The following CNTNAP5 variants were observed in gnomAD, a reference collection of about 807,000 sequenced individuals.
CNTNAP5 encodes contactin-associated protein-like 5.
CNTNAP5 carries 72 observed loss-of-function variants against 150.2 expected under a neutral mutation model. The observed-to-expected ratio is 0.48, with a 90% confidence interval of 0.40 to 0.58. The LOEUF (loss-of-function observed/expected upper bound fraction) is 0.58, where lower values mean the gene tolerates loss of function less well. Ranked by LOEUF, CNTNAP5 falls within the 20% of genes least tolerant of loss-of-function variation. CNTNAP5 has a pLI of 0.00. For synonymous variants in CNTNAP5, 672 were observed against 619.8 expected, an observed-to-expected ratio of 1.08 and a Z score of -1.25; for missense variants, 1,636 against 1,626.2, an observed-to-expected ratio of 1.01 and a Z score of -0.10.
intron 13 of CNTNAP5, among the ~76,000 whole-genome samples, chr2:124,740,529 T>A (rs1680475900): frequency 1.3e-5 from 2 of 152,230 alleles, no homozygotes; most frequent in African/African-American, 4.8e-5. Context: ...ATAAATCACA[T>A]GTGGGACGGA....
At position 124,495,585 on chromosome 2, in the gene CNTNAP5, G is replaced by A. The variant is rs574923565; in HGVS notation, c.1063-8707G>A. On this transcript the variant is annotated intron_variant, in intron 7 of 23. Coordinates refer to ENST00000682447, the MANE Select transcript of CNTNAP5 (RefSeq NM_001367498.1). ...GTCCATGCACCATGGCCATTAGCAG[G>A]GCCTTCCTTCCATTTCTAAAAATGT... Among the ~76,000 whole-genome samples, 5 of 152,178 alleles carry A rather than the reference G, an allele frequency of 3.3e-5. No homozygotes were observed. In the South Asian group the frequency reaches 8.3e-4, roughly 25 times the overall value.
intron 19 of CNTNAP5, among the ~76,000 whole-genome samples, chr2:124,803,091 G>A (rs1460256673): frequency 6.7e-5 from 10 of 149,448 alleles, no homozygotes; most frequent in Admixed American, 6.6e-4. Context: ...CTCCAGGCTG[G>A]GCGACAGAGC....
intron 1 of CNTNAP5, among the ~76,000 whole-genome samples, chr2:124,154,505 T>C (rs906883570): frequency 1.3e-5 from 2 of 152,132 alleles, no homozygotes; most frequent in African/African-American, 2.4e-5. Context: ...GAAGTTCACA[T>C]TGTTCTTGGG....
At chr2:124,819,548 C>A (rs980435662) in intron 19 of CNTNAP5, among the ~76,000 whole-genome samples, 1 of 152,080 alleles carries the variant, frequency 6.6e-6, no homozygotes, top group African/African-American at 2.4e-5. Context: ...ATGAAAGCAA[C>A]GTTCAGGCCA....
chr2:124,825,700 C>G (rs1179710614), intron 19 of CNTNAP5, among the ~76,000 whole-genome samples: 1 of 152,118 alleles, frequency 6.6e-6, no homozygotes, highest in Non-Finnish European at 1.5e-5. Flanking sequence ...TCAAAAGTCT[C>G]TTTTTATTCT....
intron 21 of CNTNAP5, among the ~76,000 whole-genome samples, chr2:124,885,279 C>A (rs1027771204): frequency 1.7e-4 from 26 of 151,888 alleles, no homozygotes; most frequent in Admixed American, 1.7e-3. Flanking sequence ...AGGATAATTT[C>A]CCTTACTTAA....
At chr2:124,856,641 A>G (rs1161306608) in intron 19 of CNTNAP5, among the ~76,000 whole-genome samples, 1 of 152,176 alleles carries the variant, frequency 6.6e-6, no homozygotes, top group African/African-American at 2.4e-5. Flanking sequence ...CTGGTCCGTC[A>G]TCCCCTTGTC....
chr2:124,300,528 C>T (rs749791019), intron 3 of CNTNAP5, among the ~76,000 whole-genome samples: 32 of 152,160 alleles, frequency 2.1e-4, no homozygotes, highest in African/African-American at 7.0e-4. Context: ...GGAAGAAGAG[C>T]GTAAGAATCC....
intron 13 of CNTNAP5, among the ~76,000 whole-genome samples, chr2:124,724,482 A>T: frequency 6.6e-6 from 1 of 152,106 alleles, no homozygotes; most frequent in East Asian, 1.9e-4. Context: ...TACCAAGTTA[A>T]AGATAAATAT....
chr2:124,677,233 G>T (rs1678962249), intron 13 of CNTNAP5, among the ~76,000 whole-genome samples: 1 of 152,264 alleles, frequency 6.6e-6, no homozygotes, highest in Non-Finnish European at 1.5e-5. Flanking sequence ...GCTCTTAAAG[G>T]TGGCGCGTCT....
chr2:124,706,977 GTAA>G (rs1416997467), intron 13 of CNTNAP5, among the ~76,000 whole-genome samples: 7 of 64,390 alleles, frequency 1.1e-4, no homozygotes, highest in East Asian at 4.8e-4. Flanking sequence ...AAGAGGAAGA[GTAA>G]GAAGGAGAAG....
At chr2:124,566,664 A>C (rs1009026964) in intron 11 of CNTNAP5, among the ~76,000 whole-genome samples, 6 of 152,206 alleles carry the variant, frequency 3.9e-5, no homozygotes, top group African/African-American at 9.6e-5. Context: ...AATCCCTTGA[A>C]TATTTGTGAC....
At chr2:124,121,250 C>A (rs1396725896) in intron 1 of CNTNAP5, among the ~76,000 whole-genome samples, 3 of 152,176 alleles carry the variant, frequency 2.0e-5, no homozygotes, top group Non-Finnish European at 4.4e-5. Context: ...ACTACCTCCT[C>A]TAAGTGTCTT....
intron 1 of CNTNAP5, among the ~76,000 whole-genome samples, chr2:124,122,111 G>A (rs1434074929): frequency 1.3e-5 from 2 of 152,050 alleles, no homozygotes; most frequent in Non-Finnish European, 1.5e-5. Flanking sequence ...TTCATGGCTC[G>A]TTATGCACAG....
intron 3 of CNTNAP5, among the ~76,000 whole-genome samples, chr2:124,326,972 CTTTTTTTTTTTTT>C (rs1192969997): frequency 1.5e-5 from 1 of 68,514 alleles, no homozygotes; most frequent in Admixed American, 1.6e-4. Context: ...TAGATCCTGA[CTTTTTTTTTTTTT>C]TTTTTTTTTT....
At chr2:124,411,060 C>A (rs1332948077) in intron 3 of CNTNAP5, among the ~76,000 whole-genome samples, 1 of 152,162 alleles carries the variant, frequency 6.6e-6, no homozygotes, top group Non-Finnish European at 1.5e-5. Context: ...CACTGCCGAT[C>A]CCACAGAAAT....
At chr2:124,711,335 G>C (rs192447572) in intron 13 of CNTNAP5, among the ~76,000 whole-genome samples, 1 of 151,936 alleles carries the variant, frequency 6.6e-6, no homozygotes, top group East Asian at 1.9e-4. Context: ...ACTCATCAGA[G>C]GGAATGGCAC....
intron 10 of CNTNAP5, among the ~76,000 whole-genome samples, chr2:124,531,434 A>G (rs536900081): frequency 1.3e-5 from 2 of 152,252 alleles, no homozygotes; most frequent in South Asian, 2.1e-4. Context: ...AGCTATCACA[A>G]AGAAAAGTCA....
chr2:124,643,930 G>A (rs1289653533), intron 12 of CNTNAP5, among the ~76,000 whole-genome samples: 2 of 152,184 alleles, frequency 1.3e-5, no homozygotes, highest in Non-Finnish European at 2.9e-5. Flanking sequence ...AGAAAACTGG[G>A]CATTGAAGAA....
Sources: allele counts gnomAD v4.1 joint callset (sites outside exome capture counted in the v4.1 genomes callset), GRCh38; gene constraint gnomAD v4.1.1; transcripts MANE v1.5; gene names NCBI Gene and HGNC (gene_info 2026-07-23, HGNC 2026-07-21).